DMRT1: variants seen among roughly 807,000 people sequenced by gnomAD.
DMRT1 encodes the protein doublesex- and mab-3-related transcription factor 1.
DMRT1 carries 7 observed loss-of-function variants against 32.3 expected under a neutral mutation model. The ratio of observed to expected loss-of-function variants is 0.22; its 90% CI spans 0.12 to 0.41. DMRT1 has a LOEUF of 0.41. Ranked by LOEUF, DMRT1 falls within the 10% of genes least tolerant of loss-of-function variation. The pLI is 1.00. For missense variants in DMRT1, 625 were observed against 500.5 expected, an observed-to-expected ratio of 1.25 and a Z score of -2.37; for synonymous variants, 278 against 206.1, an observed-to-expected ratio of 1.35 and a Z score of -2.99.
At chr9:880,477 A>G (rs1816687451) in intron 2 of DMRT1, among the ~76,000 whole-genome samples, 1 of 151,948 alleles carries the variant, frequency 6.6e-6, no homozygotes, top group Non-Finnish European at 1.5e-5. Context: ...CTGTAATCCC[A>G]GCACTTTGGG....
At chr9:891,519 T>A (rs1011497500) in intron 2 of DMRT1, among the ~76,000 whole-genome samples, 2 of 150,994 alleles carry the variant, frequency 1.3e-5, no homozygotes, top group African/African-American at 4.9e-5. Flanking sequence ...TTTTACTTTT[T>A]TTTTTTTTTC....
At chr9:849,518 G>T (rs926274919) in intron 2 of DMRT1, among the ~76,000 whole-genome samples, 5 of 152,182 alleles carry the variant, frequency 3.3e-5, no homozygotes, top group African/African-American at 2.4e-5. Context: ...TTTAGAGAAG[G>T]ACTTTAGGCT....
chr9:911,470 ATTTTTTTTTTTTT>A (rs201141931), intron 3 of DMRT1, among the ~76,000 whole-genome samples: 59 of 66,956 alleles, frequency 8.8e-4, no homozygotes, highest in African/African-American at 2.0e-3. Flanking sequence ...GGTTAATTGC[ATTTTTTTTTTTTT>A]TTTTTTTTTT....
intron 2 of DMRT1, among the ~76,000 whole-genome samples, chr9:860,433 G>T (rs1376787687): frequency 4.1e-4 from 62 of 152,200 alleles, no homozygotes; most frequent in Non-Finnish European, 1.2e-4. Flanking sequence ...AGAGTTTGCT[G>T]TCTGAGCAAG....
intron 4 of DMRT1, among the ~76,000 whole-genome samples, chr9:959,193 T>G (rs1364310293): frequency 1.4e-5 from 2 of 143,510 alleles, no homozygotes; most frequent in Non-Finnish European, 3.1e-5. Context: ...CCTGCCTTCG[T>G]TACTGAGATG....
Position 843,890 on chromosome 9 carries a change from T to C in DMRT1, c.354+1698T>C, listed in dbSNP as rs1838795138. On this transcript the variant is annotated intron_variant, in intron 1 of 4. Transcript: ENST00000382276. ...TGCAGTCATGAAAATAGATATTGTTTTGCTTAATTTCTTAATAGATTTTTA... is the reference window on the plus strand; with the variant it reads ...TGCAGTCATGAAAATAGATATTGTTCTGCTTAATTTCTTAATAGATTTTTA... 1.3e-5 allele frequency among the ~76,000 whole-genome samples: 2 copies of C among 152,224 alleles called. 1 individual carries two copies. The highest frequency in any genetic ancestry group is 4.1e-4 in the South Asian group (2 of 4,828).
At chr9:905,513 T>TGTGG (rs1418612091) in intron 3 of DMRT1, among the ~76,000 whole-genome samples, 3 of 151,652 alleles carry the variant, frequency 2.0e-5, no homozygotes, top group African/African-American at 7.3e-5. Context: ...TGTGTGTGTG[T>TGTGG]GGCACTGCAG....
At chr9:925,270 A>G (rs771339922) in intron 4 of DMRT1, among the ~76,000 whole-genome samples, 1 of 152,192 alleles carries the variant, frequency 6.6e-6, no homozygotes. Context: ...TTCGTTCCTC[A>G]TCTACTTGGA....
chr9:881,212 C>T (rs979037620), intron 2 of DMRT1, among the ~76,000 whole-genome samples: 1 of 152,094 alleles, frequency 6.6e-6, no homozygotes, highest in East Asian at 1.9e-4. Flanking sequence ...CAGTCCTGTA[C>T]AATTGGATAA....
At chr9:866,815 T>A (rs1243620875) in intron 2 of DMRT1, among the ~76,000 whole-genome samples, 1 of 152,314 alleles carries the variant, frequency 6.6e-6, no homozygotes, top group East Asian at 1.9e-4. Flanking sequence ...TTCATTTTCC[T>A]TATCACCCTC....
At chr9:937,223 C>T (rs556868316) in intron 4 of DMRT1, among the ~76,000 whole-genome samples, 20 of 152,246 alleles carry the variant, frequency 1.3e-4, no homozygotes, top group African/African-American at 4.6e-4. Flanking sequence ...CTGTGTGCGC[C>T]TTCTTTTGTT....
In DMRT1 at chr9:844,751, C is replaced by T. The variant is rs1428636256; in HGVS notation, c.355-2209C>T. On this transcript the variant is annotated intron_variant, in intron 1 of 4. Coordinates refer to ENST00000382276, the MANE Select transcript of DMRT1 (RefSeq NM_021951.3). ...TTTTTTTTTTTTGAGACAGGAGTCT[C>T]GCTCTGTCCCCCAGGCTGTAGTGCA... Among the ~76,000 whole-genome samples, 66 of 138,672 alleles carry T rather than the reference C, an allele frequency of 4.8e-4. 1 individual carries two copies. Among genetic ancestry groups the T allele is most frequent in the Admixed American group, 3.3e-3 (44 of 13,170 alleles). The allele number at this position is 138,672 out of a possible 152,430, so 91.0% of individuals were successfully genotyped here. A position where few individuals can be genotyped will look rare whatever the true frequency, so the allele number is the denominator to read the frequency against.
At chr9:945,167 T>C (rs542542699) in intron 4 of DMRT1, among the ~76,000 whole-genome samples, 45 of 152,234 alleles carry the variant, frequency 3.0e-4, no homozygotes, top group African/African-American at 7.9e-4. Context: ...TTCTTTCTTT[T>C]TTTTGACATG....
chr9:920,347 G>C (rs1290134331), intron 4 of DMRT1, among the ~76,000 whole-genome samples: 1 of 152,200 alleles, frequency 6.6e-6, no homozygotes, highest in African/African-American at 2.4e-5. Flanking sequence ...GGAGCAGCCT[G>C]TGAGGCAGGA....
At chr9:916,022 T>C (rs1027675178) in intron 3 of DMRT1, among the ~76,000 whole-genome samples, 7 of 152,152 alleles carry the variant, frequency 4.6e-5, no homozygotes, top group South Asian at 2.1e-4. Context: ...CGTGAGCCAC[T>C]GCGTCCAGCC....
intron 2 of DMRT1, among the ~76,000 whole-genome samples, chr9:860,945 G>A (rs1389446982): frequency 2.0e-5 from 3 of 152,176 alleles, no homozygotes; most frequent in African/African-American, 7.2e-5. Context: ...GCAGAAGGGC[G>A]CACAGCTGCC....
Position 885,765 on chromosome 9 carries a change from G to C in DMRT1, c.539-8147G>C, listed in dbSNP as rs1202934741. Among the ~76,000 whole-genome samples, 9 of 152,144 alleles carry C rather than the reference G, an allele frequency of 5.9e-5. No individual in the cohort carries two copies. In the East Asian group the frequency reaches 1.7e-3, roughly 29 times the overall value. ...TCCATGGGCACAGGCTTCTGCAGTG[G>C]AGCCTTCGCAAGGGACCACGCCCAC... On this transcript the variant is annotated intron_variant, in intron 2 of 4. Coordinates refer to ENST00000382276, the MANE Select transcript of DMRT1 (RefSeq NM_021951.3).
At chr9:868,882 C>A (rs1355687497) in intron 2 of DMRT1, among the ~76,000 whole-genome samples, 1 of 152,134 alleles carries the variant, frequency 6.6e-6, no homozygotes, top group Non-Finnish European at 1.5e-5. Context: ...TGGTGGCACA[C>A]ACCTGTGGTC....
At chr9:942,332 G>A (rs148265194) in intron 4 of DMRT1, among the ~76,000 whole-genome samples, 37 of 152,294 alleles carry the variant, frequency 2.4e-4, no homozygotes, top group African/African-American at 7.9e-4. Flanking sequence ...GGAGTGAAGT[G>A]GTGTGATCAT....
Sources: allele counts gnomAD v4.1 joint callset (sites outside exome capture counted in the v4.1 genomes callset), GRCh38; gene constraint gnomAD v4.1.1; transcripts MANE v1.5; gene names NCBI Gene and HGNC (gene_info 2026-07-23, HGNC 2026-07-21).